Variants in ARHGAP10 observed in about 807,000 individuals in gnomAD.
ARHGAP10 encodes the protein rho GTPase-activating protein 10.
Under a neutral mutation model 108.6 loss-of-function variants are expected in ARHGAP10, and 87 were observed. That is an observed-to-expected ratio of 0.80 (90% CI 0.67 to 0.96). ARHGAP10 has a LOEUF of 0.96. Among genes scored for constraint, ARHGAP10 ranks in the 40% least tolerant of loss-of-function variants. The pLI is 0.00. For missense variants in ARHGAP10, 939 were observed against 954.5 expected (o/e 0.98, Z 0.21); for synonymous variants, 347 against 341.1 (o/e 1.02, Z -0.19).
chr4:148,001,673 C>T (rs1029827727), intron 18 of ARHGAP10, among the ~76,000 whole-genome samples: 7 of 151,458 alleles, frequency 4.6e-5, no homozygotes, highest in African/African-American at 1.7e-4. Flanking sequence ...CTCTTTGAAG[C>T]AATTGTGAAT....
Position 147,867,813 on chromosome 4 carries a change from G to T in ARHGAP10, c.702+997G>T, listed in dbSNP as rs1382042227. Among the ~76,000 whole-genome samples the T allele has an allele frequency of 5.0e-5, 7 of 138,628 alleles. No individual in the cohort carries two copies. The South Asian group carries it at 1.6e-3, about 32-fold the overall frequency. 90.9% of individuals were successfully genotyped at this position (138,628 alleles called of 152,430 possible). A position where few individuals can be genotyped will look rare whatever the true frequency, so the allele number is the denominator to read the frequency against. On this transcript the variant is annotated intron_variant, in intron 7 of 22. Coordinates refer to ENST00000336498, the MANE Select transcript of ARHGAP10 (RefSeq NM_024605.4). ...CGGGAGGTGGAGGTTGCAGTGATCCGAGACCGTGCCACTGCACTCCAGCCT... is the reference window on the plus strand; with the variant it reads ...CGGGAGGTGGAGGTTGCAGTGATCCTAGACCGTGCCACTGCACTCCAGCCT...
At chr4:147,931,980 A>G (rs1252662294) in intron 13 of ARHGAP10, among the ~76,000 whole-genome samples, 1 of 152,186 alleles carries the variant, frequency 6.6e-6, no homozygotes, top group Non-Finnish European at 1.5e-5. Context: ...TGAGAAAAAC[A>G]ACCTCATTGA....
At chr4:147,897,425 C>T (rs905236116) in intron 10 of ARHGAP10, among the ~76,000 whole-genome samples, 1 of 151,990 alleles carries the variant, frequency 6.6e-6, no homozygotes, top group African/African-American at 2.4e-5. Context: ...ATGTTTGATA[C>T]GTATGGGCTT....
chr4:147,938,550 G>A (rs1738041760), intron 13 of ARHGAP10, among the ~76,000 whole-genome samples: 1 of 152,160 alleles, frequency 6.6e-6, no homozygotes, highest in African/African-American at 2.4e-5. Flanking sequence ...TGCAGTCCTT[G>A]ATCTCAGATA....
At chr4:147,963,642 A>G (rs1739088713) in intron 16 of ARHGAP10, among the ~76,000 whole-genome samples, 1 of 152,198 alleles carries the variant, frequency 6.6e-6, no homozygotes, top group Non-Finnish European at 1.5e-5. Context: ...GGAACAAAGT[A>G]CTTACTACTA....
chr4:148,025,233 G>A (rs1417972229), intron 19 of ARHGAP10, among the ~76,000 whole-genome samples: 2 of 152,100 alleles, frequency 1.3e-5, no homozygotes, highest in Non-Finnish European at 2.9e-5. Flanking sequence ...TGATTTTTAA[G>A]GGAAAGGATT....
chr4:147,791,059 G>T (rs570673258), intron 1 of ARHGAP10, among the ~76,000 whole-genome samples: 6 of 150,776 alleles, frequency 4.0e-5, no homozygotes, highest in African/African-American at 1.5e-4. Flanking sequence ...GTAATGTAAG[G>T]TATATTGTTT....
At chr4:147,978,495 C>T (rs1420308100) in intron 18 of ARHGAP10, among the ~76,000 whole-genome samples, 4 of 152,082 alleles carry the variant, frequency 2.6e-5, no homozygotes, top group Non-Finnish European at 5.9e-5. Context: ...GGATTTTCCC[C>T]ATGCTGTTCC....
intron 18 of ARHGAP10, among the ~76,000 whole-genome samples, chr4:147,983,200 T>G (rs1317649165): frequency 1.3e-5 from 2 of 149,704 alleles, no homozygotes; most frequent in African/African-American, 4.9e-5. Context: ...TTTTTTTTTT[T>G]TTTGAAGCAG....
chr4:148,015,793 T>C (rs1741323721), intron 18 of ARHGAP10, among the ~76,000 whole-genome samples: 1 of 152,186 alleles, frequency 6.6e-6, no homozygotes, highest in African/African-American at 2.4e-5. Context: ...ATTTGGCCAT[T>C]TTGTAACTAT....
chr4:147,883,620 C>T (rs1735425572), intron 10 of ARHGAP10, among the ~76,000 whole-genome samples: 1 of 152,174 alleles, frequency 6.6e-6, no homozygotes, highest in Non-Finnish European at 1.5e-5. Context: ...GGTCACGTAG[C>T]TAGTGGGTAG....
intron 19 of ARHGAP10, among the ~76,000 whole-genome samples, chr4:148,035,985 A>G (rs570866767): frequency 8.9e-4 from 135 of 152,090 alleles, no homozygotes; most frequent in African/African-American, 2.9e-3. Flanking sequence ...CACAGTTTTT[A>G]AAAGGTTTCA....
At chr4:147,807,703 G>A (rs1222739451) in intron 1 of ARHGAP10, among the ~76,000 whole-genome samples, 1 of 152,244 alleles carries the variant, frequency 6.6e-6, no homozygotes, top group East Asian at 1.9e-4. Context: ...TATATCAATG[G>A]CATTTTATAC....
intron 1 of ARHGAP10, among the ~76,000 whole-genome samples, chr4:147,767,742 A>C (rs1729895834): frequency 6.6e-6 from 1 of 152,128 alleles, no homozygotes; most frequent in Admixed American, 6.5e-5. Flanking sequence ...AAAATAAAAC[A>C]TGTTAGTTTT....
rs1179293007 is a variant in ARHGAP10, at chr4:147,806,350, C to T, written c.155-16377C>T. 2.0e-5 allele frequency among the ~76,000 whole-genome samples: 3 copies of T among 151,894 alleles called. No homozygotes were observed. The East Asian group carries it at 5.8e-4, about 29-fold the overall frequency. On this transcript the variant is annotated intron_variant, in intron 1 of 22. Transcript: ENST00000336498. ...AGTTTGTCCAAAAGTGTTTCAATAC[C>T]AGATTATAGTAATGCCAGATTATAG...
chr4:148,063,817 A>G (rs1006529207), intron 21 of ARHGAP10, among the ~76,000 whole-genome samples: 49 of 152,158 alleles, frequency 3.2e-4, no homozygotes, highest in African/African-American at 9.9e-4. Context: ...GGCTAAAAGC[A>G]TGGTTTCCGT....
Position 147,765,337 on chromosome 4 carries a change from T to TGGGG in ARHGAP10, c.154+32890_154+32893dup, listed in dbSNP as rs1553947379. ...GTGTGTGCTGTGGTGTGTGTGTGTG[T>TGGGG]GGGGGGGGGGGTGTGAGTGTGTGTA... On this transcript the variant is annotated intron_variant, in intron 1 of 22. Transcript: ENST00000336498. 3.8e-4 allele frequency among the ~76,000 whole-genome samples: 22 copies of TGGGG among 58,546 alleles called. 2 individuals are homozygous for TGGGG. The highest frequency in any genetic ancestry group is 7.5e-4 in the South Asian group (1 of 1,336). 38.4% of individuals were successfully genotyped at this position (58,546 alleles called of 152,430 possible). A position where few individuals can be genotyped will look rare whatever the true frequency, so the allele number is the denominator to read the frequency against.
At chr4:147,930,092 C>T (rs1357964175) in intron 13 of ARHGAP10, among the ~76,000 whole-genome samples, 1 of 152,166 alleles carries the variant, frequency 6.6e-6, no homozygotes, top group Middle Eastern at 3.2e-3. Context: ...TTCAGTCCCT[C>T]CACAAATATT....
At chr4:147,977,080 G>C (rs1424068373) in intron 18 of ARHGAP10, among the ~76,000 whole-genome samples, 1 of 152,242 alleles carries the variant, frequency 6.6e-6, no homozygotes, top group African/African-American at 2.4e-5. Flanking sequence ...TTCTGCCCAA[G>C]CATCTGGAGA....
Sources: allele counts gnomAD v4.1 joint callset (sites outside exome capture counted in the v4.1 genomes callset), GRCh38; gene constraint gnomAD v4.1.1; transcripts MANE v1.5; gene names NCBI Gene and HGNC (gene_info 2026-07-23, HGNC 2026-07-21).